Variants in CEP70 observed in about 807,000 individuals in gnomAD.
CEP70 encodes the protein centrosomal protein 70.
In CEP70, 70 loss-of-function variants were observed where a neutral mutation model predicts 90.9. That is an observed-to-expected ratio of 0.77 (90% CI 0.64 to 0.94). CEP70 has a LOEUF of 0.94. Among genes scored for constraint, CEP70 ranks in the 40% least tolerant of loss-of-function variants. The probability of loss-of-function intolerance (pLI) is 0.00; values close to 1 mark genes in which losing one functional copy is unlikely to be tolerated. For synonymous variants in CEP70, 220 were observed against 228.3 expected (o/e 0.96, Z 0.33); for missense variants, 648 against 669.0 (o/e 0.97, Z 0.35).
At chr3:138,561,947 T>G (rs1249438547) in intron 6 of CEP70, among the ~76,000 whole-genome samples, 1 of 148,328 alleles carries the variant, frequency 6.7e-6, no homozygotes, top group Non-Finnish European at 1.5e-5. Flanking sequence ...GGCGTGAACC[T>G]GGGAGATGGA....
chr3:138,567,404 G>A (rs1473506465), intron 6 of CEP70, among the ~76,000 whole-genome samples: 1 of 152,202 alleles, frequency 6.6e-6, no homozygotes, highest in Non-Finnish European at 1.5e-5. Flanking sequence ...AATAGAAGAA[G>A]CTGACACCTC....
In CEP70 at chr3:138,529,290, G is replaced by A. The variant is rs759214069; in HGVS notation, c.781-3C>T. 1.3e-6 allele frequency: 2 copies of A among 1,589,412 alleles called. No homozygotes were observed. The highest frequency in any genetic ancestry group is 2.3e-5 in the South Asian group (2 of 86,876). On this transcript the variant is annotated splice_region_variant and splice_polypyrimidine_tract_variant and intron_variant, in intron 9 of 17. Transcript: ENST00000264982. ...TCCTTGAGTTGATTCTGTAATGACT[G>A]CAACACATTTCATAGAAAAATAATT...
At chr3:138,505,567 T>C in intron 12 of CEP70, 102 bp from the exon 13 acceptor site, 1 of 623,166 alleles carries the variant, frequency 1.6e-6, no homozygotes, top group Non-Finnish European at 2.4e-6. Context: ...TATATACACA[T>C]ATTTCATTAA....
chr3:138,524,129 A>G (rs1335024675), intron 11 of CEP70, among the ~76,000 whole-genome samples: 2 of 149,316 alleles, frequency 1.3e-5, no homozygotes, highest in Non-Finnish European at 3.0e-5. Flanking sequence ...TGGGGAAAGG[A>G]TTCCCTATTT....
intron 7 of CEP70, among the ~76,000 whole-genome samples, chr3:138,536,328 A>C (rs539743912): frequency 6.6e-6 from 1 of 152,252 alleles, no homozygotes; most frequent in Admixed American, 6.5e-5. Context: ...CTGAATATAA[A>C]TAATGAATAG....
intron 6 of CEP70, among the ~76,000 whole-genome samples, chr3:138,565,891 T>C (rs1473634958): frequency 6.6e-6 from 1 of 152,018 alleles, no homozygotes; most frequent in East Asian, 1.9e-4. Flanking sequence ...ACAGGCAACC[T>C]ACAGAATGGG....
chr3:138,561,055 A>T lies in CEP70; in HGVS notation c.465+9263T>A, dbSNP rs535043981. ...TCGAGCTCTGCTAAAGGTCAAACTA[A>T]CTCCTCAAGTGGATCACTGAACTCC... On this transcript the variant is annotated intron_variant, in intron 6 of 17. Coordinates refer to ENST00000264982, the MANE Select transcript of CEP70 (RefSeq NM_024491.4). Among the ~76,000 whole-genome samples the T allele has an allele frequency of 2.0e-5, 3 of 151,898 alleles. No homozygotes were observed. In the East Asian group the frequency reaches 5.9e-4, roughly 30 times the overall value.
chr3:138,513,012 C>G (rs2035669785), intron 11 of CEP70, among the ~76,000 whole-genome samples: 3 of 152,150 alleles, frequency 2.0e-5, no homozygotes, highest in African/African-American at 7.2e-5. Flanking sequence ...CACTTCAACC[C>G]AGCACCAGTG....
At chr3:138,565,848 T>C (rs1207305791) in intron 6 of CEP70, among the ~76,000 whole-genome samples, 1 of 152,040 alleles carries the variant, frequency 6.6e-6, no homozygotes, top group African/African-American at 2.4e-5. Context: ...CTAAAGAGCT[T>C]CTGCACAGCA....
intron 3 of CEP70, 52 bp from the exon 4 acceptor site, chr3:138,571,408 A>C: frequency 8.3e-7 from 1 of 1,205,150 alleles, no homozygotes. Flanking sequence ...AAAGTGAAGA[A>C]ATTCTCTCAT....
chr3:138,544,714 A>G (rs1173836105), intron 6 of CEP70, among the ~76,000 whole-genome samples: 4 of 152,202 alleles, frequency 2.6e-5, no homozygotes, highest in African/African-American at 4.8e-5. Flanking sequence ...CACAAATGGA[A>G]TATTATTCAG....
At chr3:138,574,641 A>C (rs1460020126) in intron 2 of CEP70, among the ~76,000 whole-genome samples, 1 of 152,176 alleles carries the variant, frequency 6.6e-6, no homozygotes. Context: ...CTGCCTACTC[A>C]AGTGGGTCCC....
chr3:138,507,517 T>C (rs907935683), intron 12 of CEP70, among the ~76,000 whole-genome samples: 1 of 152,164 alleles, frequency 6.6e-6, no homozygotes, highest in African/African-American at 2.4e-5. Context: ...AACTTTTAAC[T>C]ATAGAAATTA....
At chr3:138,498,337 TC>T (rs551218592) in intron 16 of CEP70, among the ~76,000 whole-genome samples, 5 of 151,236 alleles carry the variant, frequency 3.3e-5, no homozygotes, top group African/African-American at 9.7e-5. Context: ...TATATAACAT[TC>T]TTTTTTTTTT....
intron 11 of CEP70, among the ~76,000 whole-genome samples, chr3:138,522,226 T>A (rs2036728711): frequency 6.6e-6 from 1 of 150,440 alleles, no homozygotes; most frequent in African/African-American, 2.5e-5. Context: ...TCCACTATTG[T>A]CCTATGACCC....
chr3:138,530,741 A>G (rs2037739195), intron 8 of CEP70: 1 of 985,228 alleles, frequency 1.0e-6, no homozygotes, highest in East Asian at 1.1e-4. Context: ...TACTAATGTA[A>G]TACTTGTCAA....
chr3:138,534,533 A>T (rs1293759139), intron 7 of CEP70, among the ~76,000 whole-genome samples: 1 of 152,220 alleles, frequency 6.6e-6, no homozygotes, highest in East Asian at 1.9e-4. Flanking sequence ...GACTTATTAC[A>T]TGTTAAGTAC....
intron 7 of CEP70, among the ~76,000 whole-genome samples, chr3:138,533,907 C>T (rs2107788301): frequency 6.6e-6 from 1 of 152,064 alleles, no homozygotes; most frequent in East Asian, 1.9e-4. Context: ...GCCTCAGCCT[C>T]CCGAGTAGCT....
rs1283213997 is a variant in CEP70 at position 138,500,100 on chromosome 3, A to C, written c.1652+10T>G. On this transcript the variant is annotated intron_variant, in intron 16 of 17. Transcript: ENST00000264982. ...CTGGATGATACTTTGTAAACTTTTA[A>C]AACAAATACCTCTGGAGGTCTTCAG... 1.9e-6 allele frequency: 3 copies of C among 1,573,778 alleles called. No homozygotes were observed. Among genetic ancestry groups the C allele is most frequent in the Non-Finnish European group, 2.6e-6 (3 of 1,143,912 alleles).
Sources: gnomAD v4.1 joint callset for allele counts (sites outside exome capture counted in the v4.1 genomes callset) on GRCh38, gnomAD v4.1.1 for gene constraint, MANE v1.5 for transcripts, NCBI Gene and HGNC (gene_info 2026-07-23, HGNC 2026-07-21) for gene names.